The following EFNA5 variants were observed in gnomAD, a reference collection of about 807,000 sequenced individuals.
The protein encoded by EFNA5 is ephrin A5.
EFNA5 carries 5 observed loss-of-function variants against 22.9 expected under a neutral mutation model. That is an observed-to-expected ratio of 0.22 (90% CI 0.11 to 0.46). EFNA5 has a LOEUF of 0.46. EFNA5 is among the 20% of genes least tolerant of loss of function. The probability of loss-of-function intolerance (pLI) is 0.99; values close to 1 mark genes in which losing one functional copy is unlikely to be tolerated. For missense variants in EFNA5, 237 were observed against 293.3 expected (o/e 0.81, Z 1.40); for synonymous variants, 113 against 112.2 (o/e 1.01, Z -0.04).
intron 1 of EFNA5, among the ~76,000 whole-genome samples, chr5:107,645,013 CA>C (rs886915851): frequency 1.4e-4 from 22 of 152,198 alleles, no homozygotes; most frequent in African/African-American, 5.3e-4. Context: ...TTCTGTTTTT[CA>C]AATTTTAAGT....
chr5:107,561,989 T>C (rs1355803408), intron 1 of EFNA5, among the ~76,000 whole-genome samples: 2 of 152,256 alleles, frequency 1.3e-5, no homozygotes, highest in Admixed American at 6.5e-5. Context: ...TCCTCCCCAC[T>C]GGGGGATGGG....
intron 1 of EFNA5, among the ~76,000 whole-genome samples, chr5:107,438,259 A>G (rs1452043843): frequency 6.6e-6 from 1 of 152,196 alleles, no homozygotes; most frequent in African/African-American, 2.4e-5. Flanking sequence ...GACTCACAAA[A>G]GGTTAAGCAC....
In EFNA5 at chr5:107,612,470, C is replaced by G. The variant is rs1030963632; in HGVS notation, c.125+58019G>C. On this transcript the variant is annotated intron_variant, in intron 1 of 4. Transcript: ENST00000333274. ...TAGCCCAAGCAAGCAAAACACTGGT[C>G]AAGTAAAAATTCTTTTTAAAATATA... Among the ~76,000 whole-genome samples the G allele has an allele frequency of 2.0e-5, 3 of 151,010 alleles. No homozygotes were observed. In the East Asian group the frequency reaches 5.8e-4, roughly 29 times the overall value.
intron 1 of EFNA5, among the ~76,000 whole-genome samples, chr5:107,564,480 G>A (rs1413272851): frequency 6.6e-6 from 1 of 152,134 alleles, no homozygotes; most frequent in Non-Finnish European, 1.5e-5. Context: ...TCCTGTGTCT[G>A]TTATTAGGAT....
intron 1 of EFNA5, among the ~76,000 whole-genome samples, chr5:107,590,682 C>T (rs1749304785): frequency 6.6e-6 from 1 of 152,070 alleles, no homozygotes; most frequent in Non-Finnish European, 1.5e-5. Context: ...AGTGAGCCAC[C>T]ACACCTGGCC....
At chr5:107,435,117 A>G (rs1170387051) in intron 1 of EFNA5, among the ~76,000 whole-genome samples, 1 of 152,194 alleles carries the variant, frequency 6.6e-6, no homozygotes, top group Non-Finnish European at 1.5e-5. Context: ...TTTAACTAGT[A>G]TAATTTTTCA....
At chr5:107,538,911 G>A (rs1444063109) in intron 1 of EFNA5, among the ~76,000 whole-genome samples, 1 of 152,178 alleles carries the variant, frequency 6.6e-6, no homozygotes, top group Non-Finnish European at 1.5e-5. Flanking sequence ...TGTCAAGGCT[G>A]CCTTGCTTTG....
intron 1 of EFNA5, among the ~76,000 whole-genome samples, chr5:107,605,728 A>G (rs1053791420): frequency 6.6e-6 from 1 of 152,176 alleles, no homozygotes; most frequent in African/African-American, 2.4e-5. Flanking sequence ...TACTATTTAA[A>G]CAACACAGAG....
chr5:107,401,967 T>G (rs1490856377), intron 2 of EFNA5, among the ~76,000 whole-genome samples: 1 of 152,210 alleles, frequency 6.6e-6, no homozygotes, highest in East Asian at 1.9e-4. Flanking sequence ...CTTAGCTCCT[T>G]TATACCATCG....
At chr5:107,387,201 C>T in intron 4 of EFNA5, 34 bp downstream of exon 4, 3 of 1,413,898 alleles carry the variant, frequency 2.1e-6, no homozygotes, top group Non-Finnish European at 2.9e-6. Context: ...GAAATAGATG[C>T]ATTTGTTAAA....
chr5:107,657,788 A>G (rs1159646911), intron 1 of EFNA5, among the ~76,000 whole-genome samples: 1 of 152,112 alleles, frequency 6.6e-6, no homozygotes, highest in East Asian at 1.9e-4. Context: ...TACTTAACTG[A>G]TGCTTTCAAA....
chr5:107,611,126 C>G (rs1322892892), intron 1 of EFNA5, among the ~76,000 whole-genome samples: 1 of 151,928 alleles, frequency 6.6e-6, no homozygotes, highest in African/African-American at 2.4e-5. Context: ...CATGAACTGC[C>G]TGGAAGAACT....
intron 1 of EFNA5, among the ~76,000 whole-genome samples, chr5:107,486,160 A>G (rs1422922252): frequency 6.6e-6 from 1 of 152,228 alleles, no homozygotes; most frequent in African/African-American, 2.4e-5. Context: ...CAATAATTTG[A>G]TGGACATGAA....
At chr5:107,529,124 G>A (rs1197105253) in intron 1 of EFNA5, among the ~76,000 whole-genome samples, 2 of 152,076 alleles carry the variant, frequency 1.3e-5, no homozygotes, top group South Asian at 4.1e-4. Flanking sequence ...TTTTAAGATT[G>A]TTCCGAGTTT....
intron 1 of EFNA5, among the ~76,000 whole-genome samples, chr5:107,473,449 C>T (rs1478238446): frequency 6.6e-6 from 1 of 152,010 alleles, no homozygotes; most frequent in East Asian, 1.9e-4. Flanking sequence ...CAGGTGTCTG[C>T]TCACTGGGGA....
intron 1 of EFNA5, among the ~76,000 whole-genome samples, chr5:107,569,449 G>GTGTGTATATATATATTTATATA (rs1748732518): frequency 7.6e-6 from 1 of 132,008 alleles, no homozygotes; most frequent in African/African-American, 3.0e-5. Flanking sequence ...ATTTATATAT[G>GTGTGTATATATATATTTATATA]TGTGTGTATA....
intron 1 of EFNA5, among the ~76,000 whole-genome samples, chr5:107,614,741 G>C (rs867130256): frequency 6.6e-6 from 1 of 152,056 alleles, no homozygotes; most frequent in South Asian, 2.1e-4. Context: ...AATCCAGAAG[G>C]AACTTTTGAG....
intron 1 of EFNA5, among the ~76,000 whole-genome samples, chr5:107,503,172 C>T (rs1395176146): frequency 6.6e-6 from 1 of 152,132 alleles, no homozygotes; most frequent in Non-Finnish European, 1.5e-5. Context: ...ATAAACTTGT[C>T]TACTATGCAG....
At chr5:107,430,910 G>C (rs1014382230) in intron 1 of EFNA5, among the ~76,000 whole-genome samples, 4 of 151,432 alleles carry the variant, frequency 2.6e-5, no homozygotes, top group African/African-American at 9.7e-5. Flanking sequence ...CCAAGTAGCA[G>C]GGATACAGGC....
Sources: gnomAD v4.1 joint callset for allele counts (sites outside exome capture counted in the v4.1 genomes callset) on GRCh38, gnomAD v4.1.1 for gene constraint, MANE v1.5 for transcripts, NCBI Gene and HGNC (gene_info 2026-07-23, HGNC 2026-07-21) for gene names.